AFF2: variants seen among roughly 807,000 people sequenced by gnomAD.
AFF2 encodes ALF transcription elongation factor 2.
In AFF2, 14 loss-of-function variants were observed where a neutral mutation model predicts 76.9. The observed-to-expected ratio is 0.18, with a 90% CI of 0.12 to 0.28. AFF2 has a LOEUF of 0.28. AFF2 is among the 10% of genes least tolerant of loss of function. AFF2 has a pLI of 1.00. For synonymous variants in AFF2, 398 were observed against 366.7 expected, an observed-to-expected ratio of 1.09 and a Z score of -0.98; for missense variants, 868 against 1,001.1, an observed-to-expected ratio of 0.87 and a Z score of 1.79.
chrX:148,991,288 C>T lies in AFF2; in HGVS notation c.3892C>T (p.Arg1298Cys). 8.3e-7 allele frequency: 1 copy of T among 1,209,821 alleles called. No homozygotes were observed. The highest frequency in any genetic ancestry group is 1.1e-6 in the Non-Finnish European group (1 of 894,321). ...SSMTNLVRYV[R>C]QGLCWLRIDA... ...CATGACCAATCTTGTCCGCTACGTT[C>T]GCCAAGGACTGTGTTGGCTGCGCAT... The change falls in exon 21 of 21, where the codon CGC becomes TGC. Residue 1298 changes from arginine to cysteine, a missense_variant. By Grantham distance (180) the Arg-to-Cys change is radical (BLOSUM62 -3). This residue lies in a region of AFF2 where 33 missense variants were observed against 63.6 expected (regional missense o/e 0.52). Coordinates refer to ENST00000370460, the MANE Select transcript of AFF2 (RefSeq NM_002025.4).
intron 3 of AFF2, among the ~76,000 whole-genome samples, chrX:148,771,338 GTTAT>G (rs2069585031): frequency 8.9e-6 from 1 of 112,024 alleles, no homozygotes; most frequent in Non-Finnish European, 1.9e-5. Flanking sequence ...TCTTCTTTGT[GTTAT>G]TTGAGAGAAG....
At chrX:148,520,323 T>C (rs1163656615) in intron 1 of AFF2, among the ~76,000 whole-genome samples, 1 of 112,149 alleles carries the variant, frequency 8.9e-6, no homozygotes, top group Non-Finnish European at 1.9e-5. Flanking sequence ...GAAAATAAAC[T>C]TTTGCAAACC....
At chrX:148,569,431 C>G (rs1389464211) in intron 1 of AFF2, among the ~76,000 whole-genome samples, 2 of 110,857 alleles carry the variant, frequency 1.8e-5, no homozygotes, top group Non-Finnish European at 3.8e-5. Flanking sequence ...GGAAAAGTAA[C>G]CAAACATCTC....
chrX:148,719,453 A>G (rs1057106405), intron 3 of AFF2, among the ~76,000 whole-genome samples: 5 of 111,894 alleles, frequency 4.5e-5, no homozygotes, highest in African/African-American at 1.3e-4. Context: ...TAAAGGCCTC[A>G]GGGTAGTCAG....
chrX:148,566,116 C>A (rs1371265213), intron 1 of AFF2, among the ~76,000 whole-genome samples: 2 of 111,420 alleles, frequency 1.8e-5, no homozygotes, highest in Non-Finnish European at 3.8e-5. Context: ...TTAACACTTG[C>A]AACAACTCTG....
chrX:148,522,535 AC>A (rs2052613419), intron 1 of AFF2, among the ~76,000 whole-genome samples: 1 of 112,144 alleles, frequency 8.9e-6, no homozygotes, highest in East Asian at 2.8e-4. Flanking sequence ...TGCTGTGGGA[AC>A]CTTTTAAGTT....
intron 7 of AFF2, among the ~76,000 whole-genome samples, chrX:148,852,323 A>G (rs1423146101): frequency 9.2e-6 from 1 of 108,744 alleles, no homozygotes; most frequent in Non-Finnish European, 1.9e-5. Flanking sequence ...CAATGGTTGA[A>G]CTAATTTACA....
intron 7 of AFF2, among the ~76,000 whole-genome samples, chrX:148,876,620 C>A (rs1272241203): frequency 8.9e-6 from 1 of 111,740 alleles, no homozygotes; most frequent in Non-Finnish European, 1.9e-5. Flanking sequence ...ACAATGAGAC[C>A]TTAGTAAATG....
In AFF2 at chrX:148,662,653, T is replaced by C. The variant is rs782518861; in HGVS notation, c.926T>C (p.Ile309Thr). 6.6e-6 allele frequency: 8 copies of C among 1,210,304 alleles called. No individual in the cohort carries two copies. The highest frequency in any genetic ancestry group is 3.5e-5 in the African/African-American group (2 of 57,191). Residue 309 changes from isoleucine (I) to threonine (T), a missense_variant, in exon 3 of 21, where the codon ATT becomes ACT. Around this residue, in one of 6 missense-constraint regions of AFF2, gnomAD observed 532 missense variants for 564.2 expected, o/e 0.94. Transcript: ENST00000370460. ...PDISPTLKPSIEFENSFGNLS... is the reference protein window; with the variant it reads ...PDISPTLKPSTEFENSFGNLS... ...ATCTCACCAACACTGAAACCTTCAA[T>C]TGAATTTGAGAACAGCTTTGGGAAT...
At chrX:148,617,488 A>G (rs1199217973) in intron 1 of AFF2, among the ~76,000 whole-genome samples, 2 of 111,428 alleles carry the variant, frequency 1.8e-5, no homozygotes, top group African/African-American at 6.5e-5. Context: ...TTGTCAGATG[A>G]GTAGGTTGCA....
chrX:148,816,756 G>A (rs782764371), intron 4 of AFF2, among the ~76,000 whole-genome samples: 3 of 110,485 alleles, frequency 2.7e-5, no homozygotes, highest in South Asian at 7.9e-4. Flanking sequence ...TAGCCTGTAG[G>A]GCTGATGTTT....
Position 148,510,266 on chromosome X carries a change from T to C in AFF2, c.47+9122T>C, listed in dbSNP as rs191873136. Among the ~76,000 whole-genome samples, 261 of 111,930 alleles carry C rather than the reference T, an allele frequency of 2.3e-3. 1 individual carries two copies. Among genetic ancestry groups the C allele is most frequent in the African/African-American group, 8.2e-3 (252 of 30,832 alleles). Reference sequence around the variant, plus strand: ...CTAAAAACGGTATTAATAGTAATAATTTAAGCTAATAATTACAGGTAACAT... The same window carrying C: ...CTAAAAACGGTATTAATAGTAATAACTTAAGCTAATAATTACAGGTAACAT... On this transcript the variant is annotated intron_variant, in intron 1 of 20. Coordinates refer to ENST00000370460, the MANE Select transcript of AFF2 (RefSeq NM_002025.4).
intron 7 of AFF2, among the ~76,000 whole-genome samples, chrX:148,857,970 G>A (rs1378276389): frequency 9.0e-5 from 10 of 111,465 alleles, no homozygotes; most frequent in African/African-American, 3.3e-4. Flanking sequence ...GAGATGATAA[G>A]GCAGTTCATT....
chrX:148,918,641 A>C (rs1038685093), intron 9 of AFF2, among the ~76,000 whole-genome samples: 21 of 112,132 alleles, frequency 1.9e-4, no homozygotes, highest in Admixed American at 1.3e-3. Flanking sequence ...GAAATGGAGA[A>C]TATTATAAAT....
intron 3 of AFF2, among the ~76,000 whole-genome samples, chrX:148,774,463 A>G (rs1489514468): frequency 9.0e-6 from 1 of 111,253 alleles, no homozygotes; most frequent in Non-Finnish European, 1.9e-5. Context: ...CTTGATGAGC[A>G]CTTTAATAAT....
intron 2 of AFF2, among the ~76,000 whole-genome samples, chrX:148,653,499 A>C (rs1461252859): frequency 9.0e-6 from 1 of 111,710 alleles, no homozygotes; most frequent in Non-Finnish European, 1.9e-5. Context: ...CTTTGTATTC[A>C]AACTCATTAT....
intron 8 of AFF2, among the ~76,000 whole-genome samples, chrX:148,900,567 T>A (rs2071343179): frequency 9.0e-6 from 1 of 111,089 alleles, no homozygotes; most frequent in African/African-American, 3.3e-5. Context: ...AGGTGGCCCA[T>A]GTAGAATAGG....
At chrX:148,607,065 G>A (rs2053679353) in intron 1 of AFF2, among the ~76,000 whole-genome samples, 2 of 111,161 alleles carry the variant, frequency 1.8e-5, no homozygotes, top group Non-Finnish European at 3.8e-5. Context: ...TGTAAAGCAA[G>A]AAAATTGAGA....
intron 3 of AFF2, among the ~76,000 whole-genome samples, chrX:148,745,925 T>G (rs1236759352): frequency 9.0e-6 from 1 of 110,498 alleles, no homozygotes; most frequent in Non-Finnish European, 1.9e-5. Flanking sequence ...GTATTTTTAG[T>G]AGAGACAGGG....
Sources: gnomAD v4.1 joint callset for allele counts (sites outside exome capture counted in the v4.1 genomes callset) on GRCh38, gnomAD v4.1.1 for gene constraint, gnomAD v4.1.1 regional missense constraint, MANE v1.5 for transcripts, NCBI Gene and HGNC (gene_info 2026-07-23, HGNC 2026-07-21) for gene names.